Variants in EIF4G3 observed in about 807,000 individuals in gnomAD.
EIF4G3 encodes eIF-4-gamma 3.
A neutral mutation model predicts 186.4 loss-of-function variants in EIF4G3; 34 were observed. That is an observed-to-expected ratio of 0.18 (90% CI 0.14 to 0.24). The LOEUF is 0.24. Ranked by LOEUF, EIF4G3 falls within the 10% of genes least tolerant of loss-of-function variation. The pLI is 1.00. For missense variants in EIF4G3, 1,536 were observed against 1,948.5 expected, an observed-to-expected ratio of 0.79 and a Z score of 3.99; for synonymous variants, 673 against 679.5, an observed-to-expected ratio of 0.99 and a Z score of 0.15.
Position 20,972,299 on chromosome 1 carries a change from T to C in EIF4G3, c.591+703A>G, listed in dbSNP as rs554513758. Among the ~76,000 whole-genome samples, 14 of 152,324 alleles carry C rather than the reference T, an allele frequency of 9.2e-5. No individual in the cohort carries two copies. In the East Asian group the frequency reaches 2.7e-3, roughly 29 times the overall value. Reference sequence around the variant, plus strand: ...TCTCAGTTCTTTTTCCTTGTGCTATTTTTTTCTTCTGTCAATTCATACTTG... The same window carrying C: ...TCTCAGTTCTTTTTCCTTGTGCTATCTTTTTCTTCTGTCAATTCATACTTG... On this transcript the variant is annotated intron_variant, in intron 11 of 36. Coordinates refer to ENST00000602326, the MANE Select transcript of EIF4G3 (RefSeq NM_001391906.1).
intron 12 of EIF4G3, among the ~76,000 whole-genome samples, chr1:20,963,349 G>A (rs1026504561): frequency 4.0e-5 from 6 of 150,170 alleles, no homozygotes; most frequent in South Asian, 2.1e-4. Context: ...TCATATAAAC[G>A]AACCCATTTT....
chr1:21,047,644 A>G (rs2154576116), intron 4 of EIF4G3, among the ~76,000 whole-genome samples: 1 of 152,234 alleles, frequency 6.6e-6, no homozygotes, highest in Middle Eastern at 3.4e-3. Context: ...TTCGTGTTTC[A>G]TATGTGTAGG....
intron 3 of EIF4G3, among the ~76,000 whole-genome samples, chr1:21,053,626 C>G (rs1413160756): frequency 7.1e-6 from 1 of 140,794 alleles, no homozygotes; most frequent in African/African-American, 2.6e-5. Context: ...CCACCCGCCC[C>G]GTCCGGGAGG....
chr1:21,105,930 G>A (rs2096609635), intron 2 of EIF4G3, among the ~76,000 whole-genome samples: 1 of 152,168 alleles, frequency 6.6e-6, no homozygotes, highest in Non-Finnish European at 1.5e-5. Flanking sequence ...AGCTGGGCAT[G>A]GTCGCATGTG....
At chr1:20,829,347 T>G (rs1439983008) in intron 30 of EIF4G3, 75 bp from the exon 31 acceptor site, 5 of 1,537,884 alleles carry the variant, frequency 3.3e-6, no homozygotes, top group Non-Finnish European at 4.4e-6. Context: ...AGATAAAAAA[T>G]CAGTCAACAA....
chr1:21,029,142 C>T (rs1370155479), intron 4 of EIF4G3, among the ~76,000 whole-genome samples: 1 of 152,098 alleles, frequency 6.6e-6, no homozygotes, highest in African/African-American at 2.4e-5. Context: ...CTCAGCCTCC[C>T]GAGTAGCTGA....
chr1:20,834,733 C>T (rs1207812871), intron 30 of EIF4G3, among the ~76,000 whole-genome samples: 2 of 152,084 alleles, frequency 1.3e-5, no homozygotes, highest in Non-Finnish European at 2.9e-5. Flanking sequence ...TACCTAAAAA[C>T]ATAGGGCAAT....
At chr1:21,128,907 C>T (rs2097099790) in intron 2 of EIF4G3, among the ~76,000 whole-genome samples, 1 of 152,136 alleles carries the variant, frequency 6.6e-6, no homozygotes, top group Non-Finnish European at 1.5e-5. Flanking sequence ...GAAAAGGCCA[C>T]ATAATATAAA....
At chr1:21,000,402 G>A (rs899183852) in intron 6 of EIF4G3, among the ~76,000 whole-genome samples, 3 of 152,034 alleles carry the variant, frequency 2.0e-5, no homozygotes, top group African/African-American at 7.2e-5. Context: ...TATTAATGCA[G>A]AAATAGAATG....
chr1:20,988,926 T>C (rs915783123), intron 7 of EIF4G3, among the ~76,000 whole-genome samples: 1 of 150,504 alleles, frequency 6.6e-6, no homozygotes, highest in Non-Finnish European at 1.5e-5. Context: ...TATTCCTGGG[T>C]GCAGTGGTGT....
chr1:21,099,437 G>T (rs2096465839), intron 2 of EIF4G3, among the ~76,000 whole-genome samples: 1 of 152,098 alleles, frequency 6.6e-6, no homozygotes, highest in Non-Finnish European at 1.5e-5. Flanking sequence ...GCATTTAAAA[G>T]GAATTAACTA....
intron 12 of EIF4G3, among the ~76,000 whole-genome samples, chr1:20,952,951 A>AT (rs2096280014): frequency 6.6e-6 from 1 of 152,246 alleles, no homozygotes; most frequent in African/African-American, 2.4e-5. Flanking sequence ...TTACTAATCA[A>AT]TAAGTCAGAA....
At chr1:21,156,020 G>A (rs918937016) in intron 2 of EIF4G3, among the ~76,000 whole-genome samples, 1 of 151,852 alleles carries the variant, frequency 6.6e-6, no homozygotes, top group Non-Finnish European at 1.5e-5. Flanking sequence ...CCAGCTACTC[G>A]GGAGGCTGAG....
chr1:20,856,381 G>A (rs759781170), intron 25 of EIF4G3, among the ~76,000 whole-genome samples: 2 of 152,138 alleles, frequency 1.3e-5, no homozygotes, highest in African/African-American at 4.8e-5. Flanking sequence ...GCAGGGTGCC[G>A]ATTTTCAGAA....
intron 14 of EIF4G3, among the ~76,000 whole-genome samples, chr1:20,907,570 T>A (rs1183323494): frequency 1.5e-5 from 2 of 133,940 alleles, no homozygotes; most frequent in African/African-American, 2.7e-5. Flanking sequence ...GTCCCCGGTG[T>A]GTGATGTTCC....
chr1:21,020,053 C>T (rs564268204), intron 4 of EIF4G3, among the ~76,000 whole-genome samples: 1 of 152,266 alleles, frequency 6.6e-6, no homozygotes, highest in South Asian at 2.1e-4. Context: ...ATTGAGGAAC[C>T]ACTTTTTCCT....
At chr1:21,004,286 A>G (rs2084430193) in intron 4 of EIF4G3, among the ~76,000 whole-genome samples, 1 of 152,216 alleles carries the variant, frequency 6.6e-6, no homozygotes, top group South Asian at 2.1e-4. Context: ...CTCATTTACC[A>G]TATATTTTCT....
rs371437559 is a variant in EIF4G3 at position 20,860,508 on chromosome 1, C to T, written c.3121G>A (p.Val1041Ile). ...DVIDLRLCNW[V>I]SRRADQGPKT... ...GGCCCTTGATCTGCTCTTCGAGATA[C>T]CCAATTGCACTATAAAAGCAGAAAA... Residue 1041 changes from valine (V) to isoleucine (I), a missense_variant, in exon 24 of 37, where the codon GTA (valine) becomes ATA (isoleucine). Val to Ile is a conservative substitution (Grantham distance 29). This residue lies in a region of EIF4G3 where 110 missense variants were observed against 166.2 expected (regional missense o/e 0.66). Transcript: ENST00000602326. 1.2e-5 allele frequency: 20 copies of T among 1,613,406 alleles called. No homozygotes were observed. Among genetic ancestry groups the T allele is most frequent in the Non-Finnish European group, 1.4e-5 (17 of 1,179,834 alleles).
At chr1:21,026,475 T>G (rs920132192) in intron 4 of EIF4G3, among the ~76,000 whole-genome samples, 4 of 150,580 alleles carry the variant, frequency 2.7e-5, no homozygotes, top group African/African-American at 9.8e-5. Context: ...TCTGAAACAC[T>G]GGATTTGGCA....
Sources: allele counts gnomAD v4.1 joint callset (sites outside exome capture counted in the v4.1 genomes callset), GRCh38; gene constraint gnomAD v4.1.1; regional missense constraint gnomAD v4.1.1; transcripts MANE v1.5; gene names NCBI Gene and HGNC (gene_info 2026-07-23, HGNC 2026-07-21).